Variants in ATP8A1 observed in about 807,000 individuals in gnomAD.
ATP8A1 encodes phospholipid-transporting ATPase IA.
In ATP8A1, 90 loss-of-function variants were observed where a neutral mutation model predicts 177.7. The ratio of observed to expected loss-of-function variants is 0.51; its 90% CI spans 0.43 to 0.60. ATP8A1 has a LOEUF of 0.60. ATP8A1 is among the 20% of genes least tolerant of loss of function. ATP8A1 has a pLI of 0.00. For missense variants in ATP8A1, 1,072 were observed against 1,392.8 expected, an observed-to-expected ratio of 0.77 and a Z score of 3.67; for synonymous variants, 493 against 485.9, an observed-to-expected ratio of 1.01 and a Z score of -0.19.
chr4:42,648,741 G>T (rs1438310356), intron 1 of ATP8A1, among the ~76,000 whole-genome samples: 1 of 152,014 alleles, frequency 6.6e-6, no homozygotes, highest in Non-Finnish European at 1.5e-5. Context: ...AGGAAAAAAG[G>T]TATTATCGTT....
intron 6 of ATP8A1, chr4:42,594,392 T>A: frequency 8.0e-7 from 1 of 1,250,506 alleles, no homozygotes. Context: ...TGGTTAATTA[T>A]CTGCATTGAA....
At chr4:42,555,083 GTGTA>G (rs1729926556) in intron 16 of ATP8A1, among the ~76,000 whole-genome samples, 2 of 136,112 alleles carry the variant, frequency 1.5e-5, no homozygotes, top group Admixed American at 1.6e-4. Context: ...CCCTTTGTGT[GTGTA>G]TCTATCTATC....
At chr4:42,575,734 T>C (rs1434776163) in intron 12 of ATP8A1, 35 bp from the exon 13 acceptor site, 1 of 1,546,402 alleles carries the variant, frequency 6.5e-7, no homozygotes, top group Non-Finnish European at 8.9e-7. Context: ...TGAACACAAC[T>C]GGTAATAAGG....
intron 31 of ATP8A1, among the ~76,000 whole-genome samples, chr4:42,446,298 G>A (rs1400222609): frequency 6.6e-6 from 1 of 151,888 alleles, no homozygotes; most frequent in African/African-American, 2.4e-5. Flanking sequence ...CTACTTCGGT[G>A]GGTTGATGCC....
intron 1 of ATP8A1, among the ~76,000 whole-genome samples, chr4:42,635,782 C>CACATATATATATATATATATAT (rs1553920597): frequency 1.9e-4 from 10 of 51,974 alleles, no homozygotes; most frequent in African/African-American, 3.7e-4. Flanking sequence ...CACACACACA[C>CACATATATATATATATATATAT]ATATATATAT....
chr4:42,470,590 C>G (rs376053023), intron 25 of ATP8A1, among the ~76,000 whole-genome samples: 2 of 152,164 alleles, frequency 1.3e-5, no homozygotes. Flanking sequence ...AAAATTCTTA[C>G]ATATACACAA....
intron 24 of ATP8A1, among the ~76,000 whole-genome samples, chr4:42,489,849 A>C (rs1722566157): frequency 2.0e-5 from 3 of 152,138 alleles, no homozygotes; most frequent in South Asian, 4.2e-4. Flanking sequence ...GAAATTTTTA[A>C]ATATTGAAAC....
intron 20 of ATP8A1, among the ~76,000 whole-genome samples, chr4:42,534,523 G>A (rs1470647067): frequency 6.6e-6 from 1 of 152,098 alleles, no homozygotes; most frequent in South Asian, 2.1e-4. Flanking sequence ...TGTGTTAAAC[G>A]ACCAAACCTA....
At position 42,574,669 on chromosome 4, in the gene ATP8A1, T is replaced by C. The variant is rs1318878617; in HGVS notation, c.1245A>G (p.Thr415=). The C allele has an allele frequency of 1.2e-6, 2 of 1,607,594 alleles. No homozygotes were observed. Among genetic ancestry groups the C allele is most frequent in the African/African-American group, 1.3e-5 (1 of 74,734 alleles). Reference sequence around the variant, plus strand: ...ACTTCTTAAACTGCATTACATTGCATGTCAGAGTACCAGTTTTGTCAGAAA... The same window carrying C: ...ACTTCTTAAACTGCATTACATTGCACGTCAGAGTACCAGTTTTGTCAGAAA... ...YIFSDKTGTL[T]CNVMQFKKCT... Residue 415 remains threonine (T), a synonymous_variant, in exon 14 of 37, where the codon ACA becomes ACG. Transcript: ENST00000381668.
intron 23 of ATP8A1, among the ~76,000 whole-genome samples, chr4:42,504,984 T>C (rs759303501): frequency 1.3e-5 from 2 of 152,244 alleles, no homozygotes; most frequent in Non-Finnish European, 2.9e-5. Context: ...GTTCCTCAGA[T>C]GTCACCTTCT....
intron 1 of ATP8A1, among the ~76,000 whole-genome samples, chr4:42,653,742 G>A (rs1272843727): frequency 6.6e-6 from 1 of 152,180 alleles, no homozygotes; most frequent in Admixed American, 6.5e-5. Flanking sequence ...CTAAGAACCT[G>A]TTCAAATATT....
chr4:42,618,340 C>A (rs1377703328), intron 4 of ATP8A1, among the ~76,000 whole-genome samples: 10 of 152,178 alleles, frequency 6.6e-5, no homozygotes, highest in African/African-American at 2.4e-4. Context: ...CTCTTTCATA[C>A]CTGCAGTTTC....
At position 42,549,056 on chromosome 4, in the gene ATP8A1, G is replaced by T; in HGVS notation, c.1609C>A (p.Gln537Lys). ...TTGAGCAATTCATATCTTTCTTCCT[G>T]CCCCAGCTAAGAAGAAAAGGAATAT... ...PDSVIIDSLGQEERYELLNVL... is the reference protein window; with the variant it reads ...PDSVIIDSLGKEERYELLNVL... Residue 537 changes from glutamine to lysine, a missense_variant, in exon 19 of 37, where the codon CAG (glutamine) becomes AAG (lysine). Gln to Lys is a moderately conservative substitution (Grantham distance 53). Coordinates refer to ENST00000381668, the MANE Select transcript of ATP8A1 (RefSeq NM_006095.2). 6.2e-7 allele frequency: 1 copy of T among 1,610,124 alleles called. No individual in the cohort carries two copies. The highest frequency in any genetic ancestry group is 8.5e-7 in the Non-Finnish European group (1 of 1,177,232).
At chr4:42,634,593 G>C (rs775256287) in intron 1 of ATP8A1, among the ~76,000 whole-genome samples, 6 of 152,152 alleles carry the variant, frequency 3.9e-5, no homozygotes, top group African/African-American at 1.4e-4. Context: ...CTAAGAATGA[G>C]AGAGACTGTT....
At chr4:42,613,030 A>T (rs1003182379) in intron 5 of ATP8A1, among the ~76,000 whole-genome samples, 2 of 152,226 alleles carry the variant, frequency 1.3e-5, no homozygotes, top group Middle Eastern at 6.8e-3. Flanking sequence ...ACCTGTCAAA[A>T]ATACTCCTCC....
At chr4:42,547,318 C>T (rs779424475) in intron 19 of ATP8A1, among the ~76,000 whole-genome samples, 21 of 152,166 alleles carry the variant, frequency 1.4e-4, no homozygotes, top group African/African-American at 2.4e-4. Context: ...ACAAGGTACA[C>T]GGATTCTATT....
chr4:42,594,412 C>A, intron 6 of ATP8A1: 1 of 1,021,040 alleles, frequency 9.8e-7, no homozygotes, highest in Non-Finnish European at 1.5e-6. Flanking sequence ...AAGATAGTTA[C>A]AAATATACAA....
intron 6 of ATP8A1, 55 bp from the exon 7 acceptor site, chr4:42,590,939 G>GAAAAAAAAAAAAAAAAAAGAAA: frequency 7.4e-7 from 1 of 1,356,106 alleles, no homozygotes; most frequent in Non-Finnish European, 1.0e-6. Flanking sequence ...ATGAACAGAG[G>GAAAAAAAAAAAAAAAAAAGAAA]AAAAAAAACA....
intron 27 of ATP8A1, among the ~76,000 whole-genome samples, chr4:42,460,379 CTTTT>C (rs35296572): frequency 7.4e-4 from 70 of 94,578 alleles, no homozygotes; most frequent in African/African-American, 2.6e-3. Context: ...ATGGATGGAT[CTTTT>C]TTTTTTTTTT....
Sources: allele counts gnomAD v4.1 joint callset (sites outside exome capture counted in the v4.1 genomes callset), GRCh38; gene constraint gnomAD v4.1.1; transcripts MANE v1.5; gene names NCBI Gene and HGNC (gene_info 2026-07-23, HGNC 2026-07-21).